Variants in HTR4 observed in about 807,000 individuals in gnomAD.
The protein encoded by HTR4 is 5-hydroxytryptamine (serotonin) receptor 4, G protein-coupled.
In HTR4, 16 loss-of-function variants were observed where a neutral mutation model predicts 36.8. That is an observed-to-expected ratio of 0.43 (90% CI 0.29 to 0.66). The LOEUF (loss-of-function observed/expected upper bound fraction) is 0.66, where lower values mean the gene tolerates loss of function less well. HTR4 is among the 30% of genes least tolerant of loss of function. The probability of loss-of-function intolerance (pLI) is 0.13; values close to 1 mark genes in which losing one functional copy is unlikely to be tolerated. For missense variants in HTR4, 438 were observed against 490.9 expected, an observed-to-expected ratio of 0.89 and a Z score of 1.02; for synonymous variants, 189 against 185.1, an observed-to-expected ratio of 1.02 and a Z score of -0.17.
intron 2 of HTR4, among the ~76,000 whole-genome samples, chr5:148,575,774 C>T (rs985425025): frequency 2.0e-5 from 3 of 151,800 alleles, no homozygotes; most frequent in African/African-American, 7.3e-5. Context: ...ATACATTTCG[C>T]ACATATAATG....
intron 2 of HTR4, among the ~76,000 whole-genome samples, chr5:148,552,916 G>A (rs1027912249): frequency 6.6e-6 from 1 of 152,134 alleles, no homozygotes; most frequent in African/African-American, 2.4e-5. Flanking sequence ...TGCTCATAAT[G>A]GTTATATTTA....
intron 5 of HTR4, among the ~76,000 whole-genome samples, chr5:148,463,431 C>T (rs1414779349): frequency 3.3e-5 from 5 of 151,776 alleles, no homozygotes; most frequent in Non-Finnish European, 5.9e-5. Context: ...CCACCCAGCT[C>T]GACCTCCCAA....
intron 2 of HTR4, among the ~76,000 whole-genome samples, chr5:148,592,032 C>T (rs1165158068): frequency 1.3e-5 from 2 of 152,168 alleles, no homozygotes; most frequent in South Asian, 2.1e-4. Flanking sequence ...GGTACAGATA[C>T]TCCATGGAAT....
intron 1 of HTR4, among the ~76,000 whole-genome samples, chr5:148,648,470 T>C (rs897645851): frequency 7.2e-5 from 11 of 152,190 alleles, no homozygotes; most frequent in African/African-American, 2.7e-4. Flanking sequence ...GATCAGGATG[T>C]TGTGTCTGGG....
chr5:148,583,190 A>G, intron 2 of HTR4, among the ~76,000 whole-genome samples: 1 of 150,496 alleles, frequency 6.6e-6, no homozygotes. Flanking sequence ...CTGTTGAGAT[A>G]ATCATGTGGT....
chr5:148,489,114 T>C lies in HTR4; in HGVS notation c.1077-5821A>G, dbSNP rs551036775. Among the ~76,000 whole-genome samples the C allele has an allele frequency of 3.3e-5, 5 of 152,308 alleles. No homozygotes were observed. The South Asian group carries it at 1.0e-3, about 32-fold the overall frequency. On this transcript the variant is annotated intron_variant, in intron 6 of 6. Transcript: ENST00000377888. ...CCAATATAAAAGGACCTAAAATATC[T>C]AGGAGAAAATACCTTAAAAGTACGT...
intron 1 of HTR4, among the ~76,000 whole-genome samples, chr5:148,640,135 C>T (rs570088894): frequency 7.2e-5 from 11 of 152,178 alleles, no homozygotes; most frequent in Admixed American, 2.0e-4. Flanking sequence ...TTCCAAAACT[C>T]GAGCTTTAGC....
downstream of HTR4, among the ~76,000 whole-genome samples, chr5:148,479,192 C>A (rs1755798622): frequency 6.6e-6 from 1 of 151,958 alleles, no homozygotes; most frequent in Non-Finnish European, 1.5e-5. Context: ...TTGCTGGAGG[C>A]CTTGATGAAG....
intron 5 of HTR4, among the ~76,000 whole-genome samples, chr5:148,456,009 C>T (rs760170991): frequency 6.6e-5 from 10 of 151,892 alleles, no homozygotes; most frequent in Non-Finnish European, 8.8e-5. Flanking sequence ...TGGACCCAGA[C>T]GGTTCAAACC....
intron 5 of HTR4, among the ~76,000 whole-genome samples, chr5:148,510,868 C>T (rs1023600586): frequency 9.2e-5 from 14 of 152,232 alleles, no homozygotes; most frequent in African/African-American, 3.1e-4. Context: ...CAAGAGGGGC[C>T]TTAGGGCTTG....
At chr5:148,605,295 G>T (rs1167322503) in intron 2 of HTR4, among the ~76,000 whole-genome samples, 8 of 105,210 alleles carry the variant, frequency 7.6e-5, no homozygotes, top group Middle Eastern at 0.011. Context: ...TCTCACTCTT[G>T]TCGCCCAGGC....
intron 2 of HTR4, among the ~76,000 whole-genome samples, chr5:148,601,138 A>G (rs560429492): frequency 1.3e-5 from 2 of 152,224 alleles, no homozygotes; most frequent in South Asian, 4.1e-4. Flanking sequence ...CAAAACCACA[A>G]TGAGATAACA....
chr5:148,555,946 T>TCACACACACACA (rs60289333), intron 2 of HTR4, among the ~76,000 whole-genome samples: 15 of 149,850 alleles, frequency 1.0e-4, no homozygotes, highest in South Asian at 2.1e-4. Flanking sequence ...TTATACTTTG[T>TCACACACACACA]CACACACACA....
At chr5:148,550,979 G>T (rs891945603) in intron 2 of HTR4, among the ~76,000 whole-genome samples, 2 of 151,790 alleles carry the variant, frequency 1.3e-5, no homozygotes, top group African/African-American at 2.4e-5. Flanking sequence ...AGCTCAGGGG[G>T]ACAGATTTGA....
At chr5:148,623,608 A>G (rs1288199355) in intron 2 of HTR4, among the ~76,000 whole-genome samples, 1 of 152,136 alleles carries the variant, frequency 6.6e-6, no homozygotes, top group Non-Finnish European at 1.5e-5. Context: ...GCTAAGTCAA[A>G]TTTAACCAAT....
chr5:148,497,560 G>A (rs1465699243), intron 6 of HTR4, among the ~76,000 whole-genome samples: 1 of 152,160 alleles, frequency 6.6e-6, no homozygotes, highest in Non-Finnish European at 1.5e-5. Context: ...ACTTTAGTGG[G>A]AATGCAGCTA....
intron 5 of HTR4, among the ~76,000 whole-genome samples, chr5:148,459,228 G>T (rs1755203304): frequency 6.6e-6 from 1 of 152,024 alleles, no homozygotes; most frequent in Non-Finnish European, 1.5e-5. Flanking sequence ...TGAGAGATAA[G>T]AACTCGAGGG....
chr5:148,632,950 A>C (rs1373293925), intron 2 of HTR4, among the ~76,000 whole-genome samples: 1 of 152,164 alleles, frequency 6.6e-6, no homozygotes, highest in Non-Finnish European at 1.5e-5. Flanking sequence ...AAGATGTTCT[A>C]CAGGGTATCT....
chr5:148,457,376 C>T lies in HTR4; in HGVS notation c.1077-6104G>A, dbSNP rs780491880. On this transcript the variant is annotated intron_variant, in intron 5 of 5. Coordinates refer to the HTR4 transcript ENST00000521530. ...TTTGCATTAATTTACTCAAACATGA[C>T]GGGAGCCACATTAGATTTGGTAATT... 1.3e-4 allele frequency among the ~76,000 whole-genome samples: 20 copies of T among 152,042 alleles called. 1 individual carries two copies. The highest frequency in any genetic ancestry group is 7.2e-5 in the African/African-American group (3 of 41,402).
Sources: gnomAD v4.1 joint callset for allele counts (sites outside exome capture counted in the v4.1 genomes callset) on GRCh38, gnomAD v4.1.1 for gene constraint, MANE v1.5 for transcripts, NCBI Gene and HGNC (gene_info 2026-07-23, HGNC 2026-07-21) for gene names.